MACROD2: variants seen among roughly 807,000 people sequenced by gnomAD.
MACROD2 encodes mono-ADP ribosylhydrolase 2.
Under a neutral mutation model 70.4 loss-of-function variants are expected in MACROD2, and 36 were observed. That is an observed-to-expected ratio of 0.51 (90% CI 0.39 to 0.68). The LOEUF is 0.68. MACROD2 is among the 30% of genes least tolerant of loss of function. MACROD2 has a pLI of 0.00. For missense variants in MACROD2, 496 were observed against 538.4 expected, an observed-to-expected ratio of 0.92 and a Z score of 0.78; for synonymous variants, 172 against 178.8, an observed-to-expected ratio of 0.96 and a Z score of 0.30.
intron 6 of MACROD2, among the ~76,000 whole-genome samples, chr20:15,316,368 G>A (rs1568716580): frequency 6.6e-6 from 1 of 152,112 alleles, no homozygotes; most frequent in East Asian, 1.9e-4. Context: ...TTCCATGCAA[G>A]TAGTAACCAA....
intron 4 of MACROD2, among the ~76,000 whole-genome samples, chr20:14,599,234 C>T (rs1982332973): frequency 6.6e-6 from 1 of 152,082 alleles, no homozygotes; most frequent in Admixed American, 6.5e-5. Flanking sequence ...GATGCAAAGG[C>T]TTCCAGGAGA....
chr20:15,970,004 A>G (rs960592071), intron 13 of MACROD2, among the ~76,000 whole-genome samples: 2 of 152,010 alleles, frequency 1.3e-5, no homozygotes, highest in African/African-American at 4.8e-5. Context: ...AAAGATAAAC[A>G]AAACATCTAA....
At chr20:16,004,689 C>T (rs73237720) in intron 15 of MACROD2, among the ~76,000 whole-genome samples, 5 of 152,350 alleles carry the variant, frequency 3.3e-5, no homozygotes, top group Admixed American at 2.0e-4. Context: ...CACACACAGC[C>T]GCAGGACCAG....
At chr20:14,718,591 A>G (rs1300761363) in intron 5 of MACROD2, among the ~76,000 whole-genome samples, 6 of 152,106 alleles carry the variant, frequency 3.9e-5, no homozygotes, top group Non-Finnish European at 7.4e-5. Flanking sequence ...TGGTTCATGG[A>G]GTCTGAGTTC....
At chr20:15,665,587 G>A (rs1307843146) in intron 8 of MACROD2, among the ~76,000 whole-genome samples, 1 of 152,102 alleles carries the variant, frequency 6.6e-6, no homozygotes, top group Admixed American at 6.5e-5. Context: ...TGCAGAGGAT[G>A]GTCAGCAAGG....
rs1337535227 is a variant in MACROD2, at chr20:15,581,039, A to G, written c.645+81192A>G. Among the ~76,000 whole-genome samples the G allele has an allele frequency of 5.3e-5, 8 of 152,294 alleles. No individual in the cohort carries two copies. The East Asian group carries it at 1.4e-3, about 26-fold the overall frequency. On this transcript the variant is annotated intron_variant, in intron 8 of 17. Coordinates refer to ENST00000684519, the MANE Select transcript of MACROD2 (RefSeq NM_001351661.2). ...TACAAACTCAGGGAAGGGACCAGAC[A>G]TGACTGTTTTCTTCTTTGGCAGGTC...
At chr20:15,109,281 A>T (rs1187092430) in intron 5 of MACROD2, among the ~76,000 whole-genome samples, 1 of 152,198 alleles carries the variant, frequency 6.6e-6, no homozygotes, top group Non-Finnish European at 1.5e-5. Context: ...CTGTGATCAG[A>T]GTCGTCTGAA....
rs536241661 is a variant in MACROD2 at position 15,377,555 on chromosome 20, C to A, written c.541-53850C>A. 2.6e-5 allele frequency among the ~76,000 whole-genome samples: 4 copies of A among 152,182 alleles called. No individual in the cohort carries two copies. In the East Asian group the frequency reaches 7.7e-4, roughly 29 times the overall value. On this transcript the variant is annotated intron_variant, in intron 6 of 17. Coordinates refer to ENST00000684519, the MANE Select transcript of MACROD2 (RefSeq NM_001351661.2). ...CTCTCAAGTACTCCCTGTGTGAATTCGAACATTTATTCCACTTAAAAAATT... is the reference window on the plus strand; with the variant it reads ...CTCTCAAGTACTCCCTGTGTGAATTAGAACATTTATTCCACTTAAAAAATT...
intron 7 of MACROD2, among the ~76,000 whole-genome samples, chr20:15,495,112 C>T (rs1042650745): frequency 1.3e-5 from 2 of 152,184 alleles, no homozygotes; most frequent in Non-Finnish European, 2.9e-5. Context: ...GCCTCCCCTC[C>T]GGGTGGCCAT....
chr20:15,289,868 A>G (rs2077526465), intron 6 of MACROD2, among the ~76,000 whole-genome samples: 1 of 152,174 alleles, frequency 6.6e-6, no homozygotes, highest in Non-Finnish European at 1.5e-5. Context: ...GGCAATGACA[A>G]TGGAGGTAGA....
chr20:15,099,456 A>T (rs911327443), intron 5 of MACROD2, among the ~76,000 whole-genome samples: 1 of 152,214 alleles, frequency 6.6e-6, no homozygotes, highest in Non-Finnish European at 1.5e-5. Flanking sequence ...CTGACTGTCT[A>T]TAAGTCAGGA....
At chr20:14,832,825 G>T (rs115483014) in intron 5 of MACROD2, among the ~76,000 whole-genome samples, 1 of 152,096 alleles carries the variant, frequency 6.6e-6, no homozygotes, top group Non-Finnish European at 1.5e-5. Context: ...TAGAAGTGAG[G>T]TAGAGAGTGA....
intron 4 of MACROD2, among the ~76,000 whole-genome samples, chr20:14,595,146 C>T (rs1265969666): frequency 2.0e-5 from 3 of 152,126 alleles, no homozygotes; most frequent in Non-Finnish European, 4.4e-5. Flanking sequence ...TTAGTAATTG[C>T]ACAGTTGTCT....
At chr20:15,944,506 T>C (rs1368448909) in intron 12 of MACROD2, among the ~76,000 whole-genome samples, 1 of 152,160 alleles carries the variant, frequency 6.6e-6, no homozygotes, top group Non-Finnish European at 1.5e-5. Flanking sequence ...CATCTTTTGA[T>C]AGTCTATCAT....
chr20:15,549,432 T>C (rs1001596722), intron 8 of MACROD2, among the ~76,000 whole-genome samples: 7 of 152,128 alleles, frequency 4.6e-5, no homozygotes, highest in African/African-American at 7.2e-5. Flanking sequence ...AGAAGAAAAA[T>C]AGAAGATTTT....
At chr20:15,344,176 C>A (rs1370258290) in intron 6 of MACROD2, among the ~76,000 whole-genome samples, 1 of 152,084 alleles carries the variant, frequency 6.6e-6, no homozygotes, top group Non-Finnish European at 1.5e-5. Flanking sequence ...ATATAATTCC[C>A]AGTCCTTTTA....
intron 3 of MACROD2, among the ~76,000 whole-genome samples, chr20:14,322,436 A>G (rs1192794577): frequency 1.4e-5 from 2 of 144,726 alleles, no homozygotes; most frequent in African/African-American, 5.1e-5. Flanking sequence ...TTTATAAACT[A>G]CAGGTTTACA....
chr20:14,631,432 T>C (rs573177186), intron 4 of MACROD2, among the ~76,000 whole-genome samples: 46 of 152,334 alleles, frequency 3.0e-4, no homozygotes, highest in African/African-American at 1.1e-3. Flanking sequence ...AATGAGATGT[T>C]GCCCGACTTT....
chr20:15,980,062 G>A (rs138243094), intron 13 of MACROD2, among the ~76,000 whole-genome samples: 38 of 152,292 alleles, frequency 2.5e-4, no homozygotes, highest in African/African-American at 5.5e-4. Flanking sequence ...GAGCAAGCAG[G>A]GGGTACGTGG....
Sources: gnomAD v4.1 joint callset for allele counts (sites outside exome capture counted in the v4.1 genomes callset) on GRCh38, gnomAD v4.1.1 for gene constraint, MANE v1.5 for transcripts, NCBI Gene and HGNC (gene_info 2026-07-23, HGNC 2026-07-21) for gene names.